The following LRRC4C variants were observed in gnomAD, a reference collection of about 807,000 sequenced individuals.
LRRC4C encodes the protein leucine rich repeat containing 4C, also known as leucine-rich repeat-containing protein 4C.
Under a neutral mutation model 33.6 loss-of-function variants are expected in LRRC4C, and 5 were observed. The observed-to-expected ratio is 0.15, with a 90% confidence interval of 0.08 to 0.31. LRRC4C has a LOEUF of 0.31. Among genes scored for constraint, LRRC4C ranks in the 10% least tolerant of loss-of-function variants. LRRC4C has a pLI of 1.00. For synonymous variants in LRRC4C, 329 were observed against 302.0 expected (o/e 1.09, Z -0.93); for missense variants, 560 against 796.7 (o/e 0.70, Z 3.58).
chr11:40,351,199 G>C (rs1320069685), intron 3 of LRRC4C, among the ~76,000 whole-genome samples: 1 of 151,564 alleles, frequency 6.6e-6, no homozygotes, highest in South Asian at 2.1e-4. Flanking sequence ...CCATGTGTTT[G>C]TACAGTTTCC....
chr11:41,016,365 G>T (rs781314700), intron 1 of LRRC4C, among the ~76,000 whole-genome samples: 2 of 151,912 alleles, frequency 1.3e-5, no homozygotes, highest in African/African-American at 4.8e-5. Flanking sequence ...CTATGAGAAT[G>T]AAAAAAACAA....
intron 4 of LRRC4C, among the ~76,000 whole-genome samples, chr11:40,244,320 T>A (rs766207120): frequency 2.6e-5 from 4 of 151,964 alleles, no homozygotes; most frequent in Non-Finnish European, 2.9e-5. Context: ...AGTCTCTCAA[T>A]CCTCTGTGTC....
In LRRC4C at chr11:40,602,065, C is replaced by T. The variant is rs575504795; in HGVS notation, c.-270+46077G>A. ...AAAAATTTAGCTGGGTGTGGTGGCGCGTGCCTCTAATCCCAGCTACTTGGG... is the reference window on the plus strand; with the variant it reads ...AAAAATTTAGCTGGGTGTGGTGGCGTGTGCCTCTAATCCCAGCTACTTGGG... On this transcript the variant is annotated intron_variant, in intron 3 of 6. Coordinates refer to ENST00000528697, the MANE Select transcript of LRRC4C (RefSeq NM_001258419.2). 2.4e-4 allele frequency among the ~76,000 whole-genome samples: 36 copies of T among 151,512 alleles called. No individual in the cohort carries two copies. The South Asian group carries it at 7.5e-3, about 32-fold the overall frequency.
At chr11:40,315,919 CAAT>C (rs1373462340) in intron 4 of LRRC4C, among the ~76,000 whole-genome samples, 1 of 152,002 alleles carries the variant, frequency 6.6e-6, no homozygotes, top group East Asian at 1.9e-4. Context: ...ATAGAGCTTA[CAAT>C]CTCCCTGAGT....
chr11:40,221,340 G>A (rs1270467387), intron 5 of LRRC4C, among the ~76,000 whole-genome samples: 2 of 152,168 alleles, frequency 1.3e-5, no homozygotes, highest in Non-Finnish European at 2.9e-5. Context: ...AATGTGAATA[G>A]TTTAAACTGA....
Position 40,744,943 on chromosome 11 carries a change from T to A in LRRC4C, c.-406-96665A>T, listed in dbSNP as rs889824541. 6.6e-5 allele frequency among the ~76,000 whole-genome samples: 10 copies of A among 152,156 alleles called. No individual in the cohort carries two copies. In the East Asian group the frequency reaches 1.9e-3, roughly 29 times the overall value. On this transcript the variant is annotated intron_variant, in intron 2 of 6. Coordinates refer to ENST00000528697, the MANE Select transcript of LRRC4C (RefSeq NM_001258419.2). ...AGTAACATATAAACATAGGCATAGC[T>A]GCTCAAAGTCTTTGTTTTCTCATAA...
intron 2 of LRRC4C, among the ~76,000 whole-genome samples, chr11:40,848,854 A>G (rs550030390): frequency 2.4e-4 from 37 of 152,312 alleles, no homozygotes; most frequent in Non-Finnish European, 3.8e-4. Context: ...TATACTTAGA[A>G]TAGTTAAATC....
At chr11:40,855,907 T>C (rs1953755749) in intron 2 of LRRC4C, among the ~76,000 whole-genome samples, 1 of 151,806 alleles carries the variant, frequency 6.6e-6, no homozygotes, top group Admixed American at 6.6e-5. Flanking sequence ...TCTTTTATAA[T>C]TATTTTATTA....
intron 2 of LRRC4C, among the ~76,000 whole-genome samples, chr11:40,753,922 T>TA (rs561890838): frequency 1.3e-5 from 2 of 151,818 alleles, no homozygotes; most frequent in Admixed American, 1.3e-4. Context: ...GATAAAAAGA[T>TA]AAAAAATATG....
intron 4 of LRRC4C, among the ~76,000 whole-genome samples, chr11:40,285,966 T>C (rs1331383025): frequency 6.6e-6 from 1 of 151,874 alleles, no homozygotes; most frequent in Non-Finnish European, 1.5e-5. Flanking sequence ...AAGTGAGGAT[T>C]AAAGAAAAAA....
chr11:41,204,650 T>C (rs753986851), intron 1 of LRRC4C, among the ~76,000 whole-genome samples: 1 of 152,234 alleles, frequency 6.6e-6, no homozygotes, highest in African/African-American at 2.4e-5. Flanking sequence ...TTAATCTTTA[T>C]TTATATTTCC....
intron 2 of LRRC4C, among the ~76,000 whole-genome samples, chr11:40,804,241 C>G (rs1442488551): frequency 2.6e-5 from 4 of 152,124 alleles, no homozygotes; most frequent in Non-Finnish European, 5.9e-5. Flanking sequence ...TCATAGGCTC[C>G]ATTTGCTTAC....
intron 4 of LRRC4C, among the ~76,000 whole-genome samples, chr11:40,271,011 G>C (rs1037025614): frequency 6.6e-6 from 1 of 152,154 alleles, no homozygotes; most frequent in African/African-American, 2.4e-5. Context: ...AAAGCAGGGT[G>C]TTGCCACAAA....
At chr11:40,754,092 GT>G (rs1274541357) in intron 2 of LRRC4C, among the ~76,000 whole-genome samples, 6 of 151,636 alleles carry the variant, frequency 4.0e-5, no homozygotes, top group African/African-American at 1.5e-4. Flanking sequence ...TTTTCTTTGG[GT>G]TTCCACATAA....
At chr11:40,722,288 T>C (rs1222040998) in intron 2 of LRRC4C, among the ~76,000 whole-genome samples, 2 of 152,104 alleles carry the variant, frequency 1.3e-5, no homozygotes, top group African/African-American at 4.8e-5. Context: ...CTCGCTCCTC[T>C]CCTCTCCTCC....
At chr11:41,414,226 T>C (rs1954595820) in intron 1 of LRRC4C, among the ~76,000 whole-genome samples, 1 of 152,188 alleles carries the variant, frequency 6.6e-6, no homozygotes, top group Admixed American at 6.5e-5. Context: ...TTCCCGAATT[T>C]GAATTGACTG....
chr11:40,591,353 G>C (rs1274255036), intron 3 of LRRC4C, among the ~76,000 whole-genome samples: 1 of 152,094 alleles, frequency 6.6e-6, no homozygotes. Flanking sequence ...ACGGTGCACG[G>C]ACCCACTGAC....
At chr11:40,729,092 C>A (rs190536934) in intron 2 of LRRC4C, among the ~76,000 whole-genome samples, 122 of 152,026 alleles carry the variant, frequency 8.0e-4, no homozygotes, top group Non-Finnish European at 1.4e-3. Context: ...ATGCAATATA[C>A]CTGTGTAATA....
At chr11:40,574,576 A>C (rs572883102) in intron 3 of LRRC4C, among the ~76,000 whole-genome samples, 11 of 152,182 alleles carry the variant, frequency 7.2e-5, no homozygotes, top group Admixed American at 1.3e-4. Flanking sequence ...ATTATAAATC[A>C]AGCTAACCAA....
Sources: allele counts gnomAD v4.1 joint callset (sites outside exome capture counted in the v4.1 genomes callset), GRCh38; gene constraint gnomAD v4.1.1; transcripts MANE v1.5; gene names NCBI Gene and HGNC (gene_info 2026-07-23, HGNC 2026-07-21).